Variants in GALNT1 observed in about 807,000 individuals in gnomAD.
GALNT1 encodes polypeptide N-acetylgalactosaminyltransferase 1, also known as GalNAc transferase 1.
A neutral mutation model predicts 65.7 loss-of-function variants in GALNT1; 17 were observed. The observed-to-expected ratio is 0.26, with a 90% CI of 0.18 to 0.39. The LOEUF (loss-of-function observed/expected upper bound fraction) is 0.39, where lower values mean the gene tolerates loss of function less well. Among genes scored for constraint, GALNT1 ranks in the 10% least tolerant of loss-of-function variants. GALNT1 has a pLI of 1.00. For missense variants in GALNT1, 460 were observed against 672.8 expected (o/e 0.68, Z 3.50); for synonymous variants, 210 against 219.7 (o/e 0.96, Z 0.39).
At chr18:35,631,267 A>G (rs2047004313) in intron 1 of GALNT1, among the ~76,000 whole-genome samples, 1 of 152,248 alleles carries the variant, frequency 6.6e-6, no homozygotes, top group South Asian at 2.1e-4. Flanking sequence ...AGAGAATTTT[A>G]GACCAATATC....
chr18:35,623,257 A>G (rs1297392870), intron 1 of GALNT1, among the ~76,000 whole-genome samples: 1 of 152,098 alleles, frequency 6.6e-6, no homozygotes, highest in Non-Finnish European at 1.5e-5. Context: ...TCTTTACTTG[A>G]AAATGTCTTT....
intron 3 of GALNT1, among the ~76,000 whole-genome samples, chr18:35,676,163 G>A (rs554130926): frequency 1.3e-5 from 2 of 152,228 alleles, no homozygotes; most frequent in African/African-American, 2.4e-5. Context: ...TTCTTGTGGT[G>A]GTTAGAGTGA....
chr18:35,687,300 C>T (rs1160215038), intron 6 of GALNT1, 114 bp downstream of exon 6: 3 of 902,960 alleles, frequency 3.3e-6, no homozygotes, highest in African/African-American at 3.4e-5. Flanking sequence ...CATTCGTATA[C>T]CTTATGGTAG....
chr18:35,657,430 G>A (rs1270662844), intron 2 of GALNT1, among the ~76,000 whole-genome samples: 1 of 152,178 alleles, frequency 6.6e-6, no homozygotes, highest in East Asian at 1.9e-4. Context: ...AACTGGTAGC[G>A]ATGTTCTGCA....
At chr18:35,606,561 C>T (rs1295563105) in intron 1 of GALNT1, among the ~76,000 whole-genome samples, 1 of 152,176 alleles carries the variant, frequency 6.6e-6, no homozygotes, top group African/African-American at 2.4e-5. Context: ...ATACCAATTT[C>T]TAGATTGGAT....
chr18:35,696,961 G>C (rs1488536379), intron 9 of GALNT1, among the ~76,000 whole-genome samples: 1 of 152,220 alleles, frequency 6.6e-6, no homozygotes, highest in Non-Finnish European at 1.5e-5. Context: ...GAGACTAATA[G>C]TAGAAACAAA....
At chr18:35,594,318 A>G (rs2046479129) in intron 1 of GALNT1, among the ~76,000 whole-genome samples, 1 of 152,164 alleles carries the variant, frequency 6.6e-6, no homozygotes, top group African/African-American at 2.4e-5. Flanking sequence ...AGGGAGTGTG[A>G]GGTAAAAGTG....
chr18:35,621,060 G>A (rs968718008), intron 1 of GALNT1, among the ~76,000 whole-genome samples: 6 of 151,978 alleles, frequency 3.9e-5, no homozygotes, highest in South Asian at 2.1e-4. Flanking sequence ...TGAGTACTAC[G>A]GAGATTGAGC....
chr18:35,586,212 A>G (rs906213174), intron 1 of GALNT1, among the ~76,000 whole-genome samples: 1 of 152,166 alleles, frequency 6.6e-6, no homozygotes, highest in Non-Finnish European at 1.5e-5. Context: ...GATGTTGAAC[A>G]CTTCTCATGT....
At chr18:35,591,621 A>C (rs1328657026) in intron 1 of GALNT1, 1 of 154,006 alleles carries the variant, frequency 6.5e-6, no homozygotes, top group African/African-American at 2.4e-5. Flanking sequence ...AAAGATTGAG[A>C]GGGGCTTTGA....
chr18:35,635,511 C>A (rs2047077285), intron 1 of GALNT1, among the ~76,000 whole-genome samples: 1 of 152,184 alleles, frequency 6.6e-6, no homozygotes, highest in Admixed American at 6.5e-5. Context: ...CAGAGTTTGG[C>A]TAGGGTCATT....
At chr18:35,680,220 A>G (rs1049460850) in intron 4 of GALNT1, among the ~76,000 whole-genome samples, 1 of 152,136 alleles carries the variant, frequency 6.6e-6, no homozygotes. Context: ...TCCCTGGAAC[A>G]TTGTTCTCTA....
chr18:35,583,912 T>C (rs1363039255), intron 1 of GALNT1, among the ~76,000 whole-genome samples: 1 of 152,246 alleles, frequency 6.6e-6, no homozygotes, highest in Non-Finnish European at 1.5e-5. Flanking sequence ...AATATAATAA[T>C]AATTTTGAAT....
intron 7 of GALNT1, among the ~76,000 whole-genome samples, chr18:35,689,953 G>A (rs1176681478): frequency 1.3e-5 from 2 of 152,142 alleles, no homozygotes; most frequent in Non-Finnish European, 2.9e-5. Context: ...CCAGTGAATC[G>A]CTTTGCCTTC....
intron 1 of GALNT1, among the ~76,000 whole-genome samples, chr18:35,607,852 G>A (rs1472101622): frequency 6.6e-6 from 1 of 152,122 alleles, no homozygotes; most frequent in Non-Finnish European, 1.5e-5. Context: ...AGGGTAACTT[G>A]GAACTATATC....
Position 35,710,229 on chromosome 18 carries a change from G to A in GALNT1, c.*459G>A. 6.5e-6 allele frequency: 1 copy of A among 153,044 alleles called. No homozygotes were observed. The highest frequency in any genetic ancestry group is 1.5e-5 in the Non-Finnish European group (1 of 68,468). 9.5% of individuals were successfully genotyped at this position (153,044 alleles called of 1,614,324 possible). A position where few individuals can be genotyped will look rare whatever the true frequency, so the allele number is the denominator to read the frequency against. ...ATATTGATATAAAAATAAAAGAACT[G>A]GAACCAGATTCAGAATCATGAAAAC... is the stretch of plus-strand genomic sequence containing the variant. On this transcript the variant is annotated 3_prime_UTR_variant, in exon 12 of 12. Transcript: ENST00000269195.
chr18:35,598,024 A>ATCCCCTCCCC (rs2046528748), intron 1 of GALNT1, among the ~76,000 whole-genome samples: 2 of 19,426 alleles, frequency 1.0e-4, no homozygotes, highest in African/African-American at 2.7e-4. Context: ...CTCCCCTCCA[A>ATCCCCTCCCC]TCCCCTCCCA....
chr18:35,636,362 G>A (rs1016575149), intron 1 of GALNT1, among the ~76,000 whole-genome samples: 24 of 152,104 alleles, frequency 1.6e-4, no homozygotes, highest in Admixed American at 1.2e-3. Flanking sequence ...GGACCAGAGG[G>A]AAAGACTGTC....
chr18:35,659,538 TC>T (rs980749422), intron 2 of GALNT1, among the ~76,000 whole-genome samples: 15 of 152,336 alleles, frequency 9.8e-5, no homozygotes, highest in African/African-American at 3.4e-4. Flanking sequence ...ATTTTTACAC[TC>T]TTCTGCTTTC....
Sources: gnomAD v4.1 joint callset for allele counts (sites outside exome capture counted in the v4.1 genomes callset) on GRCh38, gnomAD v4.1.1 for gene constraint, MANE v1.5 for transcripts, NCBI Gene and HGNC (gene_info 2026-07-23, HGNC 2026-07-21) for gene names.